Variants in STRN observed in about 807,000 individuals in gnomAD.
STRN encodes striatin.
Under a neutral mutation model 96.3 loss-of-function variants are expected in STRN, and 53 were observed. The ratio of observed to expected loss-of-function variants is 0.55; its 90% CI spans 0.44 to 0.69. STRN has a LOEUF of 0.69. Among genes scored for constraint, STRN ranks in the 30% least tolerant of loss-of-function variants. The probability of loss-of-function intolerance (pLI) is 0.00; values close to 1 mark genes in which losing one functional copy is unlikely to be tolerated. For missense variants in STRN, 987 were observed against 963.9 expected (o/e 1.02, Z -0.32); for synonymous variants, 428 against 355.9 (o/e 1.20, Z -2.28).
chr2:36,839,752 C>T lies in STRN; in HGVS notation c.*9704G>A, dbSNP rs939842608. ...TTAGTAATTTTAATGACAGTTCTTA[C>T]ATGGTATATGTTTAATGTTGAGATT... On this transcript the variant is annotated 3_prime_UTR_variant, in exon 18 of 18. Coordinates refer to ENST00000263918, the MANE Select transcript of STRN (RefSeq NM_003162.4). Among the ~76,000 whole-genome samples the T allele has an allele frequency of 6.6e-6, 1 of 152,136 alleles. No individual in the cohort carries two copies. The highest frequency in any genetic ancestry group is 1.5e-5 in the Non-Finnish European group (1 of 68,020).
intron 10 of STRN, among the ~76,000 whole-genome samples, chr2:36,874,416 A>G (rs1668847667): frequency 6.6e-6 from 1 of 152,176 alleles, no homozygotes; most frequent in Non-Finnish European, 1.5e-5. Flanking sequence ...GAAGAGGAAG[A>G]AGGTATAACA....
intron 6 of STRN, among the ~76,000 whole-genome samples, chr2:36,897,688 C>G (rs918368398): frequency 6.6e-6 from 1 of 151,902 alleles, no homozygotes; most frequent in African/African-American, 2.4e-5. Context: ...CCATCCGTCT[C>G]GGCCTCCCAA....
chr2:36,878,599 T>A (rs1337653103), intron 9 of STRN, among the ~76,000 whole-genome samples: 1 of 152,120 alleles, frequency 6.6e-6, no homozygotes, highest in Admixed American at 6.6e-5. Context: ...AGGGCCCTGG[T>A]AATGTTCTAC....
intron 3 of STRN, among the ~76,000 whole-genome samples, chr2:36,910,262 G>T (rs1239080840): frequency 1.3e-5 from 2 of 151,840 alleles, no homozygotes; most frequent in African/African-American, 4.8e-5. Context: ...CACGTGAGCG[G>T]AAGACTTTAA....
chr2:36,925,306 A>T (rs1670380756), intron 1 of STRN, 98 bp from the exon 2 acceptor site: 3 of 748,090 alleles, frequency 4.0e-6, no homozygotes, highest in African/African-American at 1.8e-5. Flanking sequence ...AATTAGATGC[A>T]AAAATATTTC....
intron 1 of STRN, among the ~76,000 whole-genome samples, chr2:36,932,190 T>C (rs553637993): frequency 9.2e-5 from 14 of 152,332 alleles, no homozygotes; most frequent in African/African-American, 3.1e-4. Flanking sequence ...AGTCTCACTC[T>C]GTTGCCCAGG....
At chr2:36,894,113 C>T in intron 6 of STRN, 80 bp from the exon 7 acceptor site, 1 of 1,492,926 alleles carries the variant, frequency 6.7e-7, no homozygotes, top group South Asian at 1.3e-5. Flanking sequence ...TTATTTTCTT[C>T]AGAAAGTATA....
At position 36,848,448 on chromosome 2, in the gene STRN, A is replaced by C. The variant is rs1668135932; in HGVS notation, c.*1008T>G. 1 of 152,198 alleles carries C rather than the reference A, an allele frequency of 6.6e-6. No individual in the cohort carries two copies. Among genetic ancestry groups the C allele is most frequent in the Non-Finnish European group, 1.5e-5 (1 of 68,030 alleles). 9.4% of individuals were successfully genotyped at this position (152,198 alleles called of 1,614,324 possible). On this transcript the variant is annotated 3_prime_UTR_variant, in exon 18 of 18. Transcript: ENST00000263918. ...TCTTGGTAGATGTCAGATAACTTGA[A>C]CGTGACAAAGAAGAAAGAGCACAGA... is the stretch of plus-strand genomic sequence containing the variant.
chr2:36,937,490 G>A (rs1437442922), intron 1 of STRN, among the ~76,000 whole-genome samples: 2 of 151,988 alleles, frequency 1.3e-5, no homozygotes, highest in Non-Finnish European at 2.9e-5. Flanking sequence ...GCAACGCACT[G>A]AGAATCCATG....
At chr2:36,850,883 G>A (rs1030321046) in intron 16 of STRN, 117 bp downstream of exon 16, 2 of 638,280 alleles carry the variant, frequency 3.1e-6, no homozygotes, top group Non-Finnish European at 5.3e-6. Context: ...AGAGTATTTG[G>A]GGTTCAGTGC....
intron 1 of STRN, among the ~76,000 whole-genome samples, chr2:36,941,798 C>T (rs1161148966): frequency 6.6e-6 from 1 of 151,706 alleles, no homozygotes; most frequent in Non-Finnish European, 1.5e-5. Context: ...GGTGATCCCC[C>T]AACCTCGGCC....
At chr2:36,957,752 T>TTG (rs1212339355) in intron 1 of STRN, among the ~76,000 whole-genome samples, 2 of 81,838 alleles carry the variant, frequency 2.4e-5, no homozygotes, top group East Asian at 4.2e-4. Flanking sequence ...GTCTTTTTTT[T>TTG]TTTTTTTTTT....
At chr2:36,894,638 G>A (rs1314397843) in intron 6 of STRN, among the ~76,000 whole-genome samples, 1 of 152,128 alleles carries the variant, frequency 6.6e-6, no homozygotes, top group African/African-American at 2.4e-5. Flanking sequence ...AGGATGCTAG[G>A]TTTGCATTTT....
chr2:36,869,776 AGGGG>A, intron 10 of STRN, 47 bp from the exon 11 acceptor site: 1 of 1,401,938 alleles, frequency 7.1e-7, no homozygotes, highest in Non-Finnish European at 9.4e-7. Context: ...AGTTAAGGAT[AGGGG>A]AAAAAACTTG....
At chr2:36,946,420 T>C (rs1035518078) in intron 1 of STRN, among the ~76,000 whole-genome samples, 3 of 152,204 alleles carry the variant, frequency 2.0e-5, no homozygotes, top group Admixed American at 2.0e-4. Flanking sequence ...TAATAAAACC[T>C]ACAAATTATT....
chr2:36,901,988 T>C (rs191741305), intron 5 of STRN, among the ~76,000 whole-genome samples: 195 of 152,322 alleles, frequency 1.3e-3, no homozygotes, highest in Non-Finnish European at 3.5e-4. Context: ...ACGGAAATTT[T>C]TTCCCAATAA....
chr2:36,884,943 G>A (rs1346759434), intron 8 of STRN, among the ~76,000 whole-genome samples: 1 of 151,932 alleles, frequency 6.6e-6, no homozygotes, highest in Admixed American at 6.5e-5. Context: ...ATTTTATCAA[G>A]ATAACATGAA....
intron 1 of STRN, among the ~76,000 whole-genome samples, chr2:36,963,769 C>A (rs1392499893): frequency 6.6e-6 from 1 of 151,960 alleles, no homozygotes; most frequent in Non-Finnish European, 1.5e-5. Context: ...CCAACCTGGC[C>A]AACATTGTGA....
intron 14 of STRN, 43 bp from the exon 15 acceptor site, chr2:36,855,395 T>TA (rs779319240): frequency 6.2e-7 from 1 of 1,602,026 alleles, no homozygotes; most frequent in Admixed American, 1.7e-5. Flanking sequence ...TTAAACCATC[T>TA]ACTTGACAAT....
Sources: allele counts gnomAD v4.1 joint callset (sites outside exome capture counted in the v4.1 genomes callset), GRCh38; gene constraint gnomAD v4.1.1; transcripts MANE v1.5; gene names NCBI Gene and HGNC (gene_info 2026-07-23, HGNC 2026-07-21).